FGD5: variants seen among roughly 807,000 people sequenced by gnomAD.
The protein encoded by FGD5 is FYVE, RhoGEF and PH domain-containing protein 5.
A neutral mutation model predicts 133.4 loss-of-function variants in FGD5; 28 were observed. The observed-to-expected ratio is 0.21, with a 90% CI of 0.16 to 0.29. FGD5 has a LOEUF of 0.29. Among genes scored for constraint, FGD5 ranks in the 10% least tolerant of loss-of-function variants. The pLI is 1.00. For missense variants in FGD5, 1,858 were observed against 1,895.2 expected (o/e 0.98, Z 0.36); for synonymous variants, 810 against 776.5 (o/e 1.04, Z -0.72).
chr3:14,902,751 C>T (rs1277230861), intron 9 of FGD5, among the ~76,000 whole-genome samples: 10 of 152,130 alleles, frequency 6.6e-5, no homozygotes, highest in Admixed American at 1.3e-4. Flanking sequence ...AGCACCCTGT[C>T]GAGGAATAGC....
At chr3:14,876,783 G>A (rs2037727684) in intron 2 of FGD5, among the ~76,000 whole-genome samples, 1 of 152,208 alleles carries the variant, frequency 6.6e-6, no homozygotes, top group South Asian at 2.1e-4. Flanking sequence ...TATATTTTGG[G>A]AACTGATGTC....
chr3:14,864,354 G>A (rs1261121098), intron 2 of FGD5, 94 bp downstream of exon 2: 2 of 1,579,636 alleles, frequency 1.3e-6, no homozygotes, highest in Non-Finnish European at 1.7e-6. Flanking sequence ...TGCGGACGGA[G>A]CTGTTTGCAG....
At chr3:14,852,483 A>G (rs2037183020) in intron 1 of FGD5, among the ~76,000 whole-genome samples, 1 of 152,258 alleles carries the variant, frequency 6.6e-6, no homozygotes, top group Admixed American at 6.5e-5. Context: ...ATGTTCCAAA[A>G]TTAGATAACG....
At chr3:14,891,488 G>C (rs901524780) in intron 4 of FGD5, among the ~76,000 whole-genome samples, 1 of 152,206 alleles carries the variant, frequency 6.6e-6, no homozygotes, top group African/African-American at 2.4e-5. Context: ...GAGTCCATTC[G>C]TTAGTTCAAG....
chr3:14,849,758 G>A (rs1448508058), intron 1 of FGD5, among the ~76,000 whole-genome samples: 1 of 152,122 alleles, frequency 6.6e-6, no homozygotes, highest in Non-Finnish European at 1.5e-5. Context: ...TAGCCTCTGT[G>A]CACCTGTTTC....
At chr3:14,905,094 G>A (rs1308648086) in intron 9 of FGD5, among the ~76,000 whole-genome samples, 2 of 151,994 alleles carry the variant, frequency 1.3e-5, no homozygotes, top group African/African-American at 4.8e-5. Context: ...GAGAAGCCTC[G>A]TTCCTACCAC....
chr3:14,854,424 T>G (rs111372023), intron 1 of FGD5, among the ~76,000 whole-genome samples: 1,129 of 104,164 alleles, frequency 0.011, 16 homozygotes, highest in Middle Eastern at 0.067. Flanking sequence ...TTTATTTATT[T>G]ATTTATTTAT....
In FGD5 at chr3:14,846,767, CT is replaced by C. The variant is rs532295842; in HGVS notation, c.2526-17360del. Among the ~76,000 whole-genome samples, 425 of 152,362 alleles carry C rather than the reference CT, an allele frequency of 2.8e-3. 2 individuals are homozygous for C. Among genetic ancestry groups the C allele is most frequent in the African/African-American group, 9.5e-3 (395 of 41,588 alleles). On this transcript the variant is annotated intron_variant, in intron 1 of 19. Coordinates refer to ENST00000285046, the MANE Select transcript of FGD5 (RefSeq NM_152536.4). ...GGACGCAGGCAGTCACTCAGCCCCC[CT>C]GGGCCTTGCTTTCTTCTCTTTGTTG...
intron 1 of FGD5, among the ~76,000 whole-genome samples, chr3:14,840,280 G>A (rs1300911820): frequency 1.3e-5 from 2 of 152,128 alleles, no homozygotes; most frequent in African/African-American, 4.8e-5. Context: ...GAGTAGCTGG[G>A]ATTACAGGCG....
chr3:14,888,713 A>T (rs1302934773), intron 4 of FGD5, among the ~76,000 whole-genome samples: 1 of 152,222 alleles, frequency 6.6e-6, no homozygotes, highest in African/African-American at 2.4e-5. Context: ...GAAGTAACCC[A>T]AGAGGGCCTC....
At chr3:14,921,566 C>T (rs576577035) in intron 13 of FGD5, 58 of 265,180 alleles carry the variant, frequency 2.2e-4, no homozygotes, top group African/African-American at 1.1e-3. Flanking sequence ...CCTGCCAGCC[C>T]GTTTCTCCTG....
chr3:14,820,320 C>T lies in FGD5; in HGVS notation c.1249C>T (p.Leu417=), dbSNP rs754496202. ...GPAAPDVVVV[L]EEEALDDALA... ...CGCAGCCCCTGATGTGGTGGTCGTGCTGGAGGAGGAGGCCTTGGATGATGC... is the reference window on the plus strand; with the variant it reads ...CGCAGCCCCTGATGTGGTGGTCGTGTTGGAGGAGGAGGCCTTGGATGATGC... The change falls in exon 1 of 20, where the codon CTG becomes TTG. Residue 417 remains leucine (L), a synonymous_variant. Coordinates refer to ENST00000285046, the MANE Select transcript of FGD5 (RefSeq NM_152536.4). The T allele has an allele frequency of 3.1e-6, 5 of 1,608,734 alleles. No individual in the cohort carries two copies. In the African/African-American group the frequency reaches 6.7e-5, roughly 21 times the overall value.
intron 1 of FGD5, among the ~76,000 whole-genome samples, chr3:14,857,933 A>T: frequency 6.9e-6 from 1 of 144,436 alleles, no homozygotes; most frequent in South Asian, 2.2e-4. Context: ...ATGAAACTGG[A>T]AAAAAAAAAA....
At chr3:14,868,716 A>G (rs1162361040) in intron 2 of FGD5, among the ~76,000 whole-genome samples, 1 of 152,136 alleles carries the variant, frequency 6.6e-6, no homozygotes, top group Non-Finnish European at 1.5e-5. Context: ...AACTTTCTCC[A>G]CTGTCTGCCT....
At position 14,819,271 on chromosome 3, in the gene FGD5, T is replaced by C. The variant is rs1171980065; in HGVS notation, c.200T>C (p.Val67Ala). The change falls in exon 1 of 20, where the codon GTG becomes GCG. Residue 67 changes from valine to alanine, a missense_variant. Val to Ala is a moderately conservative substitution (Grantham distance 64, BLOSUM62 0). Transcript: ENST00000285046. This position sits in a 1 kb window ranked among gnomAD's most constrained non-coding sequence, Gnocchi z 4.1. Reference sequence around the variant, plus strand: ...TCGGAGACCGACGAGGATTACATCGTGGTCCCCAGGGTTCCGCTGAGGGAG... The same window carrying C: ...TCGGAGACCGACGAGGATTACATCGCGGTCCCCAGGGTTCCGCTGAGGGAG... ...SESETDEDYI[V>A]VPRVPLREDE... is the part of the protein sequence containing the mutation. 5 of 1,534,016 alleles carry C rather than the reference T, an allele frequency of 3.3e-6. No homozygotes were observed. The highest frequency in any genetic ancestry group is 2.7e-5 in the African/African-American group (2 of 72,856).
intron 17 of FGD5, 148 bp downstream of exon 17, chr3:14,924,286 A>G: frequency 7.3e-6 from 9 of 1,225,010 alleles, no homozygotes; most frequent in Non-Finnish European, 1.0e-5. Flanking sequence ...CCCAGCTACG[A>G]GGACCGACTT....
Position 14,821,277 on chromosome 3 carries a change from A to T in FGD5, c.2206A>T (p.Ser736Cys). The T allele has an allele frequency of 1.2e-6, 2 of 1,613,964 alleles. No homozygotes were observed. The highest frequency in any genetic ancestry group is 2.2e-5 in the South Asian group (2 of 91,080). The change falls in exon 1 of 20, where the codon AGC becomes TGC. Residue 736 changes from serine to cysteine, a missense_variant. By Grantham distance (112) the Ser-to-Cys change is moderately radical. Coordinates refer to ENST00000285046, the MANE Select transcript of FGD5 (RefSeq NM_152536.4). Reference protein sequence around the residue: ...RDGKRKGVPFSRTVSRVESFE... With the variant: ...RDGKRKGVPFCRTVSRVESFE... ...TGGCAAGAGGAAAGGTGTCCCCTTC[A>T]GCAGGACGGTGTCCAGAGTGGAGTC...
chr3:14,919,271 C>G (rs928650259), intron 13 of FGD5, among the ~76,000 whole-genome samples: 1 of 152,184 alleles, frequency 6.6e-6, no homozygotes, highest in Non-Finnish European at 1.5e-5. Flanking sequence ...AGTGAGCGTT[C>G]ATCACTTATG....
At position 14,889,879 on chromosome 3, in the gene FGD5, G is replaced by A. The variant is rs141067631; in HGVS notation, c.2749-7630G>A. Among the ~76,000 whole-genome samples the A allele has an allele frequency of 2.8e-3, 428 of 152,156 alleles. 4 individuals are homozygous for A. Among genetic ancestry groups the A allele is most frequent in the African/African-American group, 9.6e-3 (400 of 41,510 alleles). On this transcript the variant is annotated intron_variant, in intron 4 of 19. Transcript: ENST00000285046. ...TTGCTTTTTTTTTAAAAAAATTGAG[G>A]TATCTTTTTTGTATTGCTCTTAGAA...
Sources: gnomAD v4.1 joint callset for allele counts (sites outside exome capture counted in the v4.1 genomes callset) on GRCh38, gnomAD v4.1.1 for gene constraint, Gnocchi (gnomAD v3.1) non-coding constraint, MANE v1.5 for transcripts, NCBI Gene and HGNC (gene_info 2026-07-23, HGNC 2026-07-21) for gene names.